The following KIF6 variants were observed in gnomAD, a reference collection of about 807,000 sequenced individuals.
KIF6 encodes kinesin family member 6.
Under a neutral mutation model 112.7 loss-of-function variants are expected in KIF6, and 106 were observed. The ratio of observed to expected loss-of-function variants is 0.94; its 90% CI spans 0.80 to 1.11. The LOEUF is 1.11. Ranked by LOEUF, KIF6 falls within the 50% of genes least tolerant of loss-of-function variation. The pLI is 0.00. For missense variants in KIF6, 929 were observed against 964.0 expected (o/e 0.96, Z 0.48); for synonymous variants, 339 against 339.9 (o/e 1.00, Z 0.03).
chr6:39,609,728 G>A (rs929139476), intron 6 of KIF6, among the ~76,000 whole-genome samples: 1 of 152,202 alleles, frequency 6.6e-6, no homozygotes, highest in Admixed American at 6.5e-5. Flanking sequence ...GTGTTGACAA[G>A]GGTGCAGAAT....
intron 13 of KIF6, among the ~76,000 whole-genome samples, chr6:39,465,589 C>G (rs910670482): frequency 2.6e-5 from 4 of 152,174 alleles, no homozygotes; most frequent in Non-Finnish European, 5.9e-5. Flanking sequence ...TTTAGTCTGT[C>G]TTCCTATGCA....
Position 39,332,639 on chromosome 6 carries a change from C to T in KIF6, c.*3893G>A, listed in dbSNP as rs996362580. ...TGAACTCTTCCCAACACAGTGTTATCTCAGGAAATTATTCCACCTGCTTCC... is the reference window on the plus strand; with the variant it reads ...TGAACTCTTCCCAACACAGTGTTATTTCAGGAAATTATTCCACCTGCTTCC... On this transcript the variant is annotated 3_prime_UTR_variant, in exon 23 of 23. Transcript: ENST00000287152. The T allele has an allele frequency of 6.6e-6, 1 of 152,254 alleles. No individual in the cohort carries two copies. The highest frequency in any genetic ancestry group is 1.5e-5 in the Non-Finnish European group (1 of 68,044). 9.4% of individuals were successfully genotyped at this position (152,254 alleles called of 1,614,324 possible).
intron 3 of KIF6, among the ~76,000 whole-genome samples, chr6:39,678,401 T>C (rs1787306526): frequency 6.6e-6 from 1 of 152,234 alleles, no homozygotes; most frequent in Non-Finnish European, 1.5e-5. Context: ...AGATCTCAAC[T>C]GACTCTGGGA....
chr6:39,722,848 A>G (rs753732949), intron 1 of KIF6, among the ~76,000 whole-genome samples: 19 of 152,278 alleles, frequency 1.2e-4, no homozygotes, highest in East Asian at 3.9e-4. Context: ...ACCTAAAACT[A>G]CTTCCTGGAG....
At chr6:39,515,475 C>T (rs1358875375) in intron 13 of KIF6, among the ~76,000 whole-genome samples, 1 of 152,224 alleles carries the variant, frequency 6.6e-6, no homozygotes, top group Non-Finnish European at 1.5e-5. Flanking sequence ...GGCTTACAGC[C>T]ACCCCTTCAC....
chr6:39,685,488 G>C (rs1787806409), intron 3 of KIF6, among the ~76,000 whole-genome samples: 1 of 152,180 alleles, frequency 6.6e-6, no homozygotes, highest in African/African-American at 2.4e-5. Flanking sequence ...GAACCAAATT[G>C]GGAAACAGTC....
At chr6:39,417,687 C>T (rs1283607084) in intron 15 of KIF6, among the ~76,000 whole-genome samples, 3 of 152,140 alleles carry the variant, frequency 2.0e-5, no homozygotes, top group Non-Finnish European at 4.4e-5. Flanking sequence ...CACCAACATA[C>T]ACGATTGCAC....
intron 9 of KIF6, among the ~76,000 whole-genome samples, chr6:39,584,459 A>C (rs184881942): frequency 0.14 from 17,888 of 128,666 alleles, 2,525 homozygotes; most frequent in African/African-American, 0.31. Flanking sequence ...AAAAAAAAAA[A>C]AGACTATTAT....
chr6:39,392,787 G>C (rs1767989301), intron 15 of KIF6, among the ~76,000 whole-genome samples: 1 of 152,180 alleles, frequency 6.6e-6, no homozygotes, highest in African/African-American at 2.4e-5. Flanking sequence ...AGACTGAGAG[G>C]CTTCCTCATT....
intron 3 of KIF6, among the ~76,000 whole-genome samples, chr6:39,643,727 G>C (rs1282596064): frequency 6.6e-6 from 1 of 152,064 alleles, no homozygotes; most frequent in Non-Finnish European, 1.5e-5. Flanking sequence ...AATCTTGCAA[G>C]AAAACTTAGG....
chr6:39,389,627 G>A (rs1471809480), intron 15 of KIF6, among the ~76,000 whole-genome samples: 1 of 152,162 alleles, frequency 6.6e-6, no homozygotes, highest in African/African-American at 2.4e-5. Flanking sequence ...TTCCTGCTGA[G>A]CCTGAGTTTG....
chr6:39,599,006 T>C (rs1298161108), intron 6 of KIF6, among the ~76,000 whole-genome samples: 1 of 152,144 alleles, frequency 6.6e-6, no homozygotes, highest in East Asian at 1.9e-4. Flanking sequence ...TTGTGAGGGA[T>C]GGAAATGAAA....
intron 13 of KIF6, among the ~76,000 whole-genome samples, chr6:39,534,154 C>G (rs1010945694): frequency 6.6e-6 from 1 of 152,144 alleles, no homozygotes; most frequent in Non-Finnish European, 1.5e-5. Context: ...AAGCAGAGCA[C>G]CTCTCCTCCT....
At chr6:39,452,120 A>T (rs1326389676) in intron 13 of KIF6, among the ~76,000 whole-genome samples, 1 of 152,214 alleles carries the variant, frequency 6.6e-6, no homozygotes, top group Non-Finnish European at 1.5e-5. Context: ...TTGGTTTACA[A>T]ATCCTGTCTT....
At chr6:39,625,480 T>C (rs1330056306) in intron 5 of KIF6, among the ~76,000 whole-genome samples, 3 of 152,096 alleles carry the variant, frequency 2.0e-5, no homozygotes, top group Admixed American at 2.0e-4. Flanking sequence ...ACATCACTGG[T>C]CACTGGTTAC....
chr6:39,692,962 T>C (rs1788311774), intron 3 of KIF6, among the ~76,000 whole-genome samples: 2 of 152,190 alleles, frequency 1.3e-5, no homozygotes, highest in African/African-American at 2.4e-5. Context: ...AAAATATAAC[T>C]ATCATAAACA....
intron 3 of KIF6, among the ~76,000 whole-genome samples, chr6:39,642,253 TG>T (rs1162549603): frequency 1.3e-5 from 2 of 152,222 alleles, no homozygotes; most frequent in Admixed American, 1.3e-4. Context: ...TTCAGAACTC[TG>T]GAAATTATCC....
At chr6:39,500,232 G>A (rs1020342498) in intron 13 of KIF6, among the ~76,000 whole-genome samples, 4 of 152,238 alleles carry the variant, frequency 2.6e-5, no homozygotes, top group African/African-American at 9.6e-5. Context: ...AAAGTGATTG[G>A]AGAAGTTAAG....
intron 15 of KIF6, among the ~76,000 whole-genome samples, chr6:39,387,545 T>C (rs1287034741): frequency 6.6e-6 from 1 of 151,988 alleles, no homozygotes; most frequent in African/African-American, 2.4e-5. Context: ...TTATTCCATG[T>C]GGGGGAAGGG....
Sources: gnomAD v4.1 joint callset for allele counts (sites outside exome capture counted in the v4.1 genomes callset) on GRCh38, gnomAD v4.1.1 for gene constraint, MANE v1.5 for transcripts, NCBI Gene and HGNC (gene_info 2026-07-23, HGNC 2026-07-21) for gene names.